DMD: variants seen among roughly 807,000 people sequenced by gnomAD.
DMD encodes dystrophin, also known as mutant dystrophin.
A neutral mutation model predicts 330.1 loss-of-function variants in DMD; 63 were observed. The ratio of observed to expected loss-of-function variants is 0.19; its 90% CI spans 0.16 to 0.24. The LOEUF is 0.24. Among genes scored for constraint, DMD ranks in the 10% least tolerant of loss-of-function variants. The probability of loss-of-function intolerance (pLI) is 1.00; values close to 1 mark genes in which losing one functional copy is unlikely to be tolerated. For synonymous variants in DMD, 1,223 were observed against 959.8 expected (o/e 1.27, Z -5.07); for missense variants, 3,344 against 2,684.1 (o/e 1.25, Z -5.43).
intron 55 of DMD, among the ~76,000 whole-genome samples, chrX:31,542,231 T>C (rs754383936): frequency 5.4e-4 from 61 of 112,237 alleles, no homozygotes; most frequent in African/African-American, 1.7e-3. Flanking sequence ...ATGTCAACCA[T>C]GGCTACCTAA....
chrX:31,591,081 C>CT (rs1357867334), intron 55 of DMD, among the ~76,000 whole-genome samples: 1 of 111,762 alleles, frequency 8.9e-6, no homozygotes, highest in Non-Finnish European at 1.9e-5. Flanking sequence ...ATTTTAAATA[C>CT]TTAACGGAAA....
At chrX:33,332,567 T>A (rs1299512009) in intron 1 of DMD, among the ~76,000 whole-genome samples, 1 of 111,288 alleles carries the variant, frequency 9.0e-6, no homozygotes, top group African/African-American at 3.3e-5. Context: ...TTACATAGCA[T>A]AAATATTTTA....
intron 1 of DMD, among the ~76,000 whole-genome samples, chrX:33,222,278 G>T (rs1197930779): frequency 9.0e-6 from 1 of 111,619 alleles, no homozygotes; most frequent in Non-Finnish European, 1.9e-5. Context: ...ATATTAACAG[G>T]TCATAGAGGA....
chrX:33,269,532 G>T (rs1406137597), intron 1 of DMD, among the ~76,000 whole-genome samples: 1 of 111,075 alleles, frequency 9.0e-6, no homozygotes, highest in Non-Finnish European at 1.9e-5. Flanking sequence ...AAATCTGCAT[G>T]TGTACTCCCT....
rs116261644 is a variant in DMD, at chrX:33,074,555, A to T, written c.32-54355T>A. Among the ~76,000 whole-genome samples, 521 of 110,899 alleles carry T rather than the reference A, an allele frequency of 4.7e-3. 4 individuals carry two copies. The highest frequency in any genetic ancestry group is 6.4e-3 in the Non-Finnish European group (341 of 53,042). On this transcript the variant is annotated intron_variant, in intron 1 of 78. Coordinates refer to ENST00000357033, the MANE Select transcript of DMD (RefSeq NM_004006.3). ...AGTATTGAGAGGGGAGGCCTTTAAGAGGCACTTGGATCATGAAAGTTCTGC... is the reference window on the plus strand; with the variant it reads ...AGTATTGAGAGGGGAGGCCTTTAAGTGGCACTTGGATCATGAAAGTTCTGC...
intron 2 of DMD, among the ~76,000 whole-genome samples, chrX:33,004,232 CAGG>C (rs200247916): frequency 9.0e-6 from 1 of 111,698 alleles, no homozygotes; most frequent in East Asian, 2.8e-4. Context: ...ATAAAGAAAA[CAGG>C]AGAAGAAAAA....
intron 44 of DMD, among the ~76,000 whole-genome samples, chrX:32,117,153 G>A (rs1377572089): frequency 9.1e-6 from 1 of 110,488 alleles, no homozygotes; most frequent in Non-Finnish European, 1.9e-5. Context: ...AGTGCCAGAC[G>A]ACAAATGGGA....
At chrX:31,478,085 A>C in intron 59 of DMD, 21 bp downstream of exon 59, 1 of 1,208,437 alleles carries the variant, frequency 8.3e-7, no homozygotes, top group African/African-American at 1.7e-5. Context: ...AAGGGCCCTG[A>C]AGCAAAGAAG....
At chrX:31,457,917 G>T (rs2066288711) in intron 59 of DMD, among the ~76,000 whole-genome samples, 1 of 110,875 alleles carries the variant, frequency 9.0e-6, no homozygotes, top group Non-Finnish European at 1.9e-5. Context: ...CACAGAAGAG[G>T]GCTAAAAAGG....
At chrX:31,230,950 G>A in intron 63 of DMD, among the ~76,000 whole-genome samples, 1 of 111,621 alleles carries the variant, frequency 9.0e-6, no homozygotes, top group Admixed American at 9.5e-5. Context: ...GGTTTGTTGA[G>A]AAAGCAGTTT....
intron 44 of DMD, among the ~76,000 whole-genome samples, chrX:32,000,331 C>T (rs890195162): frequency 8.9e-6 from 1 of 111,909 alleles, no homozygotes; most frequent in Non-Finnish European, 1.9e-5. Flanking sequence ...TCTACTTAAT[C>T]GTTGTCTTTC....
At chrX:32,953,393 T>C (rs2091378626) in intron 2 of DMD, among the ~76,000 whole-genome samples, 2 of 111,548 alleles carry the variant, frequency 1.8e-5, no homozygotes, top group Admixed American at 1.9e-4. Context: ...AAAATAGTCT[T>C]TATATTTTTT....
At chrX:31,880,737 C>T (rs1408297965) in intron 47 of DMD, among the ~76,000 whole-genome samples, 1 of 112,078 alleles carries the variant, frequency 8.9e-6, no homozygotes. Context: ...AGTGATGTCA[C>T]AGTGCAATGA....
chrX:31,641,750 T>C (rs1049871789), intron 54 of DMD, among the ~76,000 whole-genome samples: 6 of 111,731 alleles, frequency 5.4e-5, no homozygotes, highest in African/African-American at 2.0e-4. Context: ...TACAGTTACA[T>C]ACATTTGGGA....
chrX:32,623,194 C>T (rs752924981), intron 11 of DMD, among the ~76,000 whole-genome samples: 1 of 111,455 alleles, frequency 9.0e-6, no homozygotes, highest in East Asian at 2.9e-4. Flanking sequence ...TCACTGAGGC[C>T]TGTGAAAAGA....
intron 1 of DMD, among the ~76,000 whole-genome samples, chrX:33,206,903 T>A: frequency 9.1e-6 from 1 of 110,309 alleles, no homozygotes; most frequent in Non-Finnish European, 1.9e-5. Context: ...GGGCTACAAG[T>A]GCAGGTTTGT....
chrX:33,335,000 T>G (rs2054230524), intron 1 of DMD, among the ~76,000 whole-genome samples: 1 of 111,380 alleles, frequency 9.0e-6, no homozygotes, highest in Non-Finnish European at 1.9e-5. Flanking sequence ...GAGGTGCAAG[T>G]GAGTCTAAAC....
At chrX:33,010,737 G>T (rs1232002599) in intron 2 of DMD, among the ~76,000 whole-genome samples, 2 of 110,944 alleles carry the variant, frequency 1.8e-5, no homozygotes, top group African/African-American at 6.6e-5. Context: ...ATTCTCAACT[G>T]GAAAAAGGTC....
Position 31,178,600 on chromosome X carries a change from G to C in DMD, c.10223+69C>G, listed in dbSNP as rs1318751714. The C allele has an allele frequency of 5.3e-6, 6 of 1,140,761 alleles. No homozygotes were observed. In the Admixed American group the frequency reaches 7.1e-5, roughly 14 times the overall value. The allele number at this position is 1,140,761 out of a possible 1,213,427, so 94.0% of individuals were successfully genotyped here. A position where few individuals can be genotyped will look rare whatever the true frequency, so the allele number is the denominator to read the frequency against. ...ACTGTTTGCATTTGGGAGTGAAGGAGGGTGTTCAGCTGAGAGGAGTTCAAA... is the reference window on the plus strand; with the variant it reads ...ACTGTTTGCATTTGGGAGTGAAGGACGGTGTTCAGCTGAGAGGAGTTCAAA... On this transcript the variant is annotated intron_variant, in intron 70 of 78. Coordinates refer to ENST00000357033, the MANE Select transcript of DMD (RefSeq NM_004006.3).
Sources: gnomAD v4.1 joint callset for allele counts (sites outside exome capture counted in the v4.1 genomes callset) on GRCh38, gnomAD v4.1.1 for gene constraint, MANE v1.5 for transcripts, NCBI Gene and HGNC (gene_info 2026-07-23, HGNC 2026-07-21) for gene names.